The following RNF150 variants were observed in gnomAD, a reference collection of about 807,000 sequenced individuals.
RNF150 encodes ring finger protein 150.
RNF150 carries 24 observed loss-of-function variants against 39.3 expected under a neutral mutation model. That is an observed-to-expected ratio of 0.61 (90% confidence interval 0.44 to 0.86). RNF150 has a LOEUF of 0.86. Ranked by LOEUF, RNF150 falls within the 40% of genes least tolerant of loss-of-function variation. The pLI, the probability that RNF150 is intolerant of heterozygous loss-of-function variation, is 0.00. For missense variants in RNF150, 502 were observed against 587.8 expected, an observed-to-expected ratio of 0.85 and a Z score of 1.51; for synonymous variants, 255 against 227.3, an observed-to-expected ratio of 1.12 and a Z score of -1.10.
chr4:141,067,527 C>T (rs1305173585), intron 1 of RNF150, among the ~76,000 whole-genome samples: 1 of 152,128 alleles, frequency 6.6e-6, no homozygotes, highest in Non-Finnish European at 1.5e-5. Context: ...GAGTTCTAGG[C>T]CAAGCATTTA....
At chr4:140,914,435 A>G (rs1313976803) in intron 5 of RNF150, among the ~76,000 whole-genome samples, 1 of 152,284 alleles carries the variant, frequency 6.6e-6, no homozygotes, top group African/African-American at 2.4e-5. Context: ...ACAGGCATTT[A>G]AATTCAAGTT....
chr4:141,012,928 C>T (rs1490205435), intron 1 of RNF150, among the ~76,000 whole-genome samples: 5 of 151,892 alleles, frequency 3.3e-5, no homozygotes, highest in Non-Finnish European at 7.4e-5. Context: ...CAGACCTGGG[C>T]TAGTTGTATT....
At chr4:141,153,799 A>G (rs1727339516) in intron 1 of RNF150, among the ~76,000 whole-genome samples, 2 of 152,080 alleles carry the variant, frequency 1.3e-5, no homozygotes, top group Admixed American at 6.6e-5. Flanking sequence ...CTGTCTTTGA[A>G]ACTTTTTCTC....
At chr4:141,193,340 C>T (rs978411845) in intron 1 of RNF150, among the ~76,000 whole-genome samples, 13 of 152,326 alleles carry the variant, frequency 8.5e-5, no homozygotes, top group African/African-American at 2.6e-4. Flanking sequence ...GTTTCTTCTC[C>T]CTCAGTCCTT....
At chr4:140,915,456 C>G (rs1730781035) in intron 5 of RNF150, among the ~76,000 whole-genome samples, 1 of 152,128 alleles carries the variant, frequency 6.6e-6, no homozygotes, top group African/African-American at 2.4e-5. Flanking sequence ...ATCCAAAATT[C>G]CTCCCAGATC....
At position 140,868,349 on chromosome 4, in the gene RNF150, G is replaced by A; in HGVS notation, c.1229C>T (p.Ser410Phe). The change falls in exon 7 of 7, where the codon TCT (serine) becomes TTT (phenylalanine). Residue 410 changes from serine to phenylalanine, a missense_variant. Coordinates refer to ENST00000515673, the MANE Select transcript of RNF150 (RefSeq NM_020724.2). ...CATTGCCATGATCAAGGAAATGTCA[G>A]AATCACTGCTTACAGCTGGCTCCTG... ...SEQEPAVSSD[S>F]DISLIMAMEV... 6.2e-7 allele frequency: 1 copy of A among 1,613,062 alleles called. No homozygotes were observed. Among genetic ancestry groups the A allele is most frequent in the Non-Finnish European group, 8.5e-7 (1 of 1,179,018 alleles).
At chr4:141,151,878 A>G (rs1469895026) in intron 1 of RNF150, among the ~76,000 whole-genome samples, 1 of 152,192 alleles carries the variant, frequency 6.6e-6, no homozygotes, top group East Asian at 1.9e-4. Context: ...ACCAGCTTCA[A>G]ATTTCATTAA....
At chr4:140,935,007 A>ATATATATATTATATATTTAT (rs1491012823) in intron 4 of RNF150, among the ~76,000 whole-genome samples, 1 of 105,322 alleles carries the variant, frequency 9.5e-6, no homozygotes, top group African/African-American at 3.6e-5. Flanking sequence ...ATATATATAT[A>ATATATATATTATATATTTAT]AATATATATA....
chr4:141,036,348 A>G (rs777571281), intron 1 of RNF150, among the ~76,000 whole-genome samples: 1 of 152,192 alleles, frequency 6.6e-6, no homozygotes, highest in Non-Finnish European at 1.5e-5. Flanking sequence ...TTCCCCTCCA[A>G]TGCTAGGCTT....
At chr4:140,957,960 G>A (rs1055847442) in intron 2 of RNF150, among the ~76,000 whole-genome samples, 1 of 151,628 alleles carries the variant, frequency 6.6e-6, no homozygotes, top group Non-Finnish European at 1.5e-5. Flanking sequence ...GAGTTAGTGG[G>A]TGTAGCGCAC....
chr4:140,906,758 G>A (rs1375386854), intron 6 of RNF150, among the ~76,000 whole-genome samples: 1 of 152,166 alleles, frequency 6.6e-6, no homozygotes, highest in South Asian at 2.1e-4. Flanking sequence ...GAATGTATGG[G>A]GCAGATGTGC....
At chr4:140,954,184 T>C (rs1190567550) in intron 2 of RNF150, among the ~76,000 whole-genome samples, 2 of 152,162 alleles carry the variant, frequency 1.3e-5, no homozygotes, top group African/African-American at 4.8e-5. Flanking sequence ...GGATTATTTC[T>C]AATCTAACCA....
At chr4:140,923,564 G>A (rs1216622783) in intron 5 of RNF150, among the ~76,000 whole-genome samples, 7 of 152,254 alleles carry the variant, frequency 4.6e-5, no homozygotes, top group Middle Eastern at 3.4e-3. Context: ...TCGGTGTGGC[G>A]ATTCCTCAGG....
intron 1 of RNF150, among the ~76,000 whole-genome samples, chr4:141,200,377 G>T (rs1463536571): frequency 6.6e-6 from 1 of 151,748 alleles, no homozygotes; most frequent in African/African-American, 2.4e-5. Context: ...ATCACATCGG[G>T]ATACAGACTG....
intron 1 of RNF150, among the ~76,000 whole-genome samples, chr4:141,059,112 T>C (rs114069291): frequency 0.018 from 2,713 of 152,300 alleles, 81 homozygotes; most frequent in African/African-American, 0.062. Flanking sequence ...TTTGTTCTTC[T>C]GCTCTCTCTA....
At chr4:141,134,568 A>T (rs1405499586), upstream of RNF150, among the ~76,000 whole-genome samples, 1 of 152,238 alleles carries the variant, frequency 6.6e-6, no homozygotes, top group Non-Finnish European at 1.5e-5. Flanking sequence ...CGGCAGCAGT[A>T]CAAACAGCTG....
At chr4:141,179,059 A>G (rs1727861995) in intron 1 of RNF150, among the ~76,000 whole-genome samples, 1 of 152,082 alleles carries the variant, frequency 6.6e-6, no homozygotes, top group African/African-American at 2.4e-5. Flanking sequence ...ATGTATAGAA[A>G]TATATGTAAA....
intron 1 of RNF150, among the ~76,000 whole-genome samples, chr4:140,979,497 A>G (rs775176489): frequency 3.3e-5 from 5 of 152,132 alleles, no homozygotes; most frequent in Non-Finnish European, 5.9e-5. Context: ...AAGAATGCAC[A>G]CAAAGAACCT....
chr4:141,192,710 CCAA>C (rs1380473662), intron 1 of RNF150, among the ~76,000 whole-genome samples: 1 of 152,180 alleles, frequency 6.6e-6, no homozygotes, highest in African/African-American at 2.4e-5. Context: ...AGTCCTATCA[CCAA>C]CAACACCCTG....
Sources: allele counts gnomAD v4.1 joint callset (sites outside exome capture counted in the v4.1 genomes callset), GRCh38; gene constraint gnomAD v4.1.1; transcripts MANE v1.5; gene names NCBI Gene and HGNC (gene_info 2026-07-23, HGNC 2026-07-21).